The following PRSS36 variants were observed in gnomAD, a reference collection of about 807,000 sequenced individuals.
PRSS36 encodes the protein polyserase-2.
A neutral mutation model predicts 94.3 loss-of-function variants in PRSS36; 90 were observed. The ratio of observed to expected loss-of-function variants is 0.95; its 90% confidence interval spans 0.80 to 1.14. The LOEUF (loss-of-function observed/expected upper bound fraction) is 1.14, where lower values mean the gene tolerates loss of function less well. Ranked by LOEUF, PRSS36 falls within the 50% of genes most tolerant of loss-of-function variation. PRSS36 has a pLI of 0.00. For synonymous variants in PRSS36, 500 were observed against 489.6 expected, an observed-to-expected ratio of 1.02 and a Z score of -0.28; for missense variants, 1,158 against 1,135.0, an observed-to-expected ratio of 1.02 and a Z score of -0.29.
chr16:31,142,420 C>T (rs1489981028), intron 10 of PRSS36, 61 bp downstream of exon 10: 2 of 1,407,102 alleles, frequency 1.4e-6, no homozygotes, highest in East Asian at 5.3e-5. Flanking sequence ...TCCACAGGCC[C>T]CGCCCTCTTC....
rs1277406940 is a variant in PRSS36, at chr16:31,149,230, C to T, written c.115G>A (p.Gly39Arg). ...ATGCGGGCCGAGGGCTCAGGGCGCC[C>T]GCAGTCTGCAACGGGGAGCCGTGGA... ...TQEEPEDLDC[G>R]RPEPSARIVG... Residue 39 changes from glycine (G) to arginine (R), a missense_variant, in exon 4 of 15, where the codon GGG (glycine) becomes AGG (arginine). Transcript: ENST00000268281. 1.3e-6 allele frequency: 2 copies of T among 1,555,896 alleles called. No homozygotes were observed. The highest frequency in any genetic ancestry group is 2.4e-5 in the East Asian group (1 of 42,020).
In PRSS36 at chr16:31,140,604, C is replaced by A. The variant is rs371861435; in HGVS notation, c.2055G>T (p.Leu685=). ...GLRPPLALLE[L]SSRVEPSPSA... ...ATGGGGAGGGCTCCACCCGGGAGCTCAGCTCCAGGAGGGCCAGGGGGGGCC... is the reference window on the plus strand; with the variant it reads ...ATGGGGAGGGCTCCACCCGGGAGCTAAGCTCCAGGAGGGCCAGGGGGGGCC... The change falls in exon 13 of 15, where the codon CTG becomes CTT. Residue 685 remains leucine (L), a synonymous_variant. Coordinates refer to ENST00000268281, the MANE Select transcript of PRSS36 (RefSeq NM_173502.5). The A allele has an allele frequency of 6.2e-7, 1 of 1,610,098 alleles. No homozygotes were observed. The highest frequency in any genetic ancestry group is 1.1e-5 in the South Asian group (1 of 90,570).
rs1426082272 is a variant in PRSS36 at position 31,148,455 on chromosome 16, G to A, written c.493C>T (p.His165Tyr). The A allele has an allele frequency of 1.3e-6, 2 of 1,574,350 alleles. No homozygotes were observed. Among genetic ancestry groups the A allele is most frequent in the Non-Finnish European group, 8.6e-7 (1 of 1,167,170 alleles). ...CAGGCGGTGCCGTGCACGAAGCGGT[G>A]TGAGGCGCGGGGCAGGCAGACAGGC... ...VWPVCLPRAS[H>Y]RFVHGTACWA... is the part of the protein sequence containing the mutation. Residue 165 changes from histidine (H) to tyrosine (Y), a missense_variant, in exon 5 of 15, where the codon CAC (histidine) becomes TAC (tyrosine). Physicochemically the swap from His to Tyr is moderately conservative, Grantham distance 83 (BLOSUM62 2). Coordinates refer to ENST00000268281, the MANE Select transcript of PRSS36 (RefSeq NM_173502.5).
Position 31,142,586 on chromosome 16 carries a change from G to A in PRSS36, c.1416C>T (p.Cys472=), listed in dbSNP as rs1311805208. Residue 472 remains cysteine (C), a synonymous_variant, in exon 10 of 15, where the codon TGC becomes TGT. Coordinates refer to ENST00000268281, the MANE Select transcript of PRSS36 (RefSeq NM_173502.5). The stretch of plus-strand genomic sequence containing the variant: ...CCCCCTGGCGGCCGTACAGGCAGTG[G>A]CACCACCAGCCGCCTAACAGCTCCG... ...LEAELLGGWW[C]HCLYGRQGAA... The A allele has an allele frequency of 3.3e-6, 5 of 1,521,708 alleles. No individual in the cohort carries two copies. Among genetic ancestry groups the A allele is most frequent in the East Asian group, 2.5e-5 (1 of 39,868 alleles). The allele number at this position is 1,521,708 out of a possible 1,614,324, so 94.3% of individuals were successfully genotyped here.
intron 2 of PRSS36, 44 bp downstream of exon 2, chr16:31,149,652 T>C (rs1465236225): frequency 6.2e-7 from 1 of 1,613,816 alleles, no homozygotes; most frequent in South Asian, 1.1e-5. Context: ...CCTCTGGTCT[T>C]TTCTGCCTCT....
Position 31,141,858 on chromosome 16 carries a change from G to T in PRSS36, c.1624C>A (p.Pro542Thr). ...SGCLRPRAFF[P>T]LQTHGPWISH... ...ATCCATGGGCCATGAGTCTGCAGAG[G>T]GAAGAAGGCTCGGGGACGTAGACAG... Residue 542 changes from proline to threonine, a missense_variant, in exon 11 of 15, where the codon CCT becomes ACT. Physicochemically the swap from Pro to Thr is conservative, Grantham distance 38 (BLOSUM62 -1). Transcript: ENST00000268281. 1 of 1,614,160 alleles carries T rather than the reference G, an allele frequency of 6.2e-7. No homozygotes were observed. Among genetic ancestry groups the T allele is most frequent in the Non-Finnish European group, 8.5e-7 (1 of 1,180,038 alleles).
Position 31,145,356 on chromosome 16 carries a change from G to A in PRSS36, c.720+433C>T, listed in dbSNP as rs771574332. ...CTACTGCACTCCAGCCTGGGCGACT[G>A]AGCAAGACTCCGTCTCAAAAAAAAA... On this transcript the variant is annotated intron_variant, in intron 6 of 14. Coordinates refer to ENST00000268281, the MANE Select transcript of PRSS36 (RefSeq NM_173502.5). 1.0e-4 allele frequency among the ~76,000 whole-genome samples: 12 copies of A among 117,596 alleles called. 1 individual carries two copies. The highest frequency in any genetic ancestry group is 1.8e-4 in the Non-Finnish European group (11 of 61,186). 77.1% of individuals were successfully genotyped at this position (117,596 alleles called of 152,430 possible). A position where few individuals can be genotyped will look rare whatever the true frequency, so the allele number is the denominator to read the frequency against.
Position 31,142,742 on chromosome 16 carries a change from C to T in PRSS36, c.1352G>A (p.Arg451His). The part of the protein sequence containing the change: ...GSRCRLARWG[R>H]GEPALGPGAL... Reference sequence around the variant, plus strand: ...AGCGCCGGTCCCCAGCTCACCCCCGCGGCCCCAGCGGGCCAGGCGGCAGCG... The same window carrying T: ...AGCGCCGGTCCCCAGCTCACCCCCGTGGCCCCAGCGGGCCAGGCGGCAGCG... Residue 451 changes from arginine to histidine, a missense_variant, in exon 9 of 15, where the codon CGC becomes CAC. By Grantham distance (29) the Arg-to-His change is conservative (BLOSUM62 0). Coordinates refer to ENST00000268281, the MANE Select transcript of PRSS36 (RefSeq NM_173502.5). The T allele has an allele frequency of 7.3e-7, 1 of 1,370,512 alleles. No homozygotes were observed. The allele number at this position is 1,370,512 out of a possible 1,614,324, so 84.9% of individuals were successfully genotyped here. A position where few individuals can be genotyped will look rare whatever the true frequency, so the allele number is the denominator to read the frequency against.
chr16:31,145,808 C>A lies in PRSS36; in HGVS notation c.701G>T (p.Gly234Val). 1.2e-6 allele frequency: 2 copies of A among 1,613,598 alleles called. No individual in the cohort carries two copies. The highest frequency in any genetic ancestry group is 1.7e-6 in the Non-Finnish European group (2 of 1,179,874). The part of the protein sequence containing the change: ...PGMLCAGYPE[G>V]RRDTCQGDSG... Reference sequence around the variant, plus strand: ...CCTCACCTGGCAGGTGTCCCTGCGGCCCTCTGGGTAGCCAGCACACAGCAT... The same window carrying A: ...CCTCACCTGGCAGGTGTCCCTGCGGACCTCTGGGTAGCCAGCACACAGCAT... The change falls in exon 6 of 15, where the codon GGC becomes GTC. Residue 234 changes from glycine (G) to valine (V), a missense_variant. Coordinates refer to ENST00000268281, the MANE Select transcript of PRSS36 (RefSeq NM_173502.5).
At chr16:31,143,075 G>T in intron 8 of PRSS36, 82 bp from the exon 9 acceptor site, 1 of 1,384,454 alleles carries the variant, frequency 7.2e-7, no homozygotes, top group Non-Finnish European at 9.3e-7. Context: ...GACTTGCCAG[G>T]CGAGGATCCT....
chr16:31,147,425 G>A (rs2057813952), intron 5 of PRSS36, among the ~76,000 whole-genome samples: 2 of 152,078 alleles, frequency 1.3e-5, no homozygotes, highest in East Asian at 1.9e-4. Flanking sequence ...CACAAGCAGA[G>A]GCTGTAGCAT....
Position 31,145,796 on chromosome 16 carries a change from G to C in PRSS36, c.713C>G (p.Thr238Ser). ...CAGYPEGRRD[T>S]CQGDSGGPLV... ...GCCGGGGCCTTCCCTCACCTGGCAGGTGTCCCTGCGGCCCTCTGGGTAGCC... is the reference window on the plus strand; with the variant it reads ...GCCGGGGCCTTCCCTCACCTGGCAGCTGTCCCTGCGGCCCTCTGGGTAGCC... The change falls in exon 6 of 15, where the codon ACC becomes AGC. Residue 238 changes from threonine (T) to serine (S), a missense_variant. Coordinates refer to ENST00000268281, the MANE Select transcript of PRSS36 (RefSeq NM_173502.5). 2 of 1,612,824 alleles carry C rather than the reference G, an allele frequency of 1.2e-6. No homozygotes were observed. Among genetic ancestry groups the C allele is most frequent in the South Asian group, 2.2e-5 (2 of 91,016 alleles).
chr16:31,149,849 T>A, intron 1 of PRSS36, 118 bp from the exon 2 acceptor site: 1 of 1,539,962 alleles, frequency 6.5e-7, no homozygotes, highest in Non-Finnish European at 9.0e-7. Flanking sequence ...GGCCTCCCTC[T>A]CCCTCCTCTG....
chr16:31,142,672 G>C, intron 9 of PRSS36, 28 bp from the exon 10 acceptor site: 1 of 1,408,232 alleles, frequency 7.1e-7, no homozygotes, highest in Non-Finnish European at 9.3e-7. Flanking sequence ...GGGAGCCCGC[G>C]CTGCGGCCCA....
At chr16:31,143,214 G>T in intron 8 of PRSS36, 128 bp downstream of exon 8, 2 of 1,434,832 alleles carry the variant, frequency 1.4e-6, no homozygotes, top group Non-Finnish European at 9.4e-7. Flanking sequence ...TTTTTGTGCT[G>T]GATCCTACAC....
intron 10 of PRSS36, 55 bp downstream of exon 10, chr16:31,142,426 T>C (rs1219982488): frequency 7.2e-7 from 1 of 1,393,988 alleles, no homozygotes; most frequent in African/African-American, 1.5e-5. Context: ...GGCCCCGCCC[T>C]CTTCCTAGAG....
In PRSS36 at chr16:31,148,341, C is replaced by T. The variant is rs1567454180; in HGVS notation, c.553+54G>A. 6 of 1,471,022 alleles carry T rather than the reference C, an allele frequency of 4.1e-6. No individual in the cohort carries two copies. The African/African-American group carries it at 5.8e-5, about 14-fold the overall frequency. 91.1% of individuals were successfully genotyped at this position (1,471,022 alleles called of 1,614,324 possible). On this transcript the variant is annotated intron_variant, in intron 5 of 14. Transcript: ENST00000268281. ...CTGAGGCCCCGCCCTAGGAACCTCACCTCTCGAAGCCCCACCTCCCCGAGG... is the reference window on the plus strand; with the variant it reads ...CTGAGGCCCCGCCCTAGGAACCTCATCTCTCGAAGCCCCACCTCCCCGAGG...
chr16:31,141,446 CCTA>C lies in PRSS36; in HGVS notation c.1901+20_1901+22del. The C allele has an allele frequency of 6.3e-7, 1 of 1,586,690 alleles. No homozygotes were observed. Among genetic ancestry groups the C allele is most frequent in the Non-Finnish European group, 8.6e-7 (1 of 1,164,916 alleles). ...TTCCATTCTCCCCTCCCGTCTCTCG[CCTA>C]GGAGACGAGTGAGACCCACCTGAGG... On this transcript the variant is annotated intron_variant, in intron 12 of 14. Transcript: ENST00000268281.
intron 1 of PRSS36, 34 bp from the exon 2 acceptor site, chr16:31,149,765 C>T (rs553497011): frequency 1.2e-5 from 19 of 1,613,974 alleles, no homozygotes; most frequent in Admixed American, 6.7e-5. Context: ...AAGAGGCTGG[C>T]GACTCGCACT....
Sources: gnomAD v4.1 joint callset for allele counts (sites outside exome capture counted in the v4.1 genomes callset) on GRCh38, gnomAD v4.1.1 for gene constraint, MANE v1.5 for transcripts, NCBI Gene and HGNC (gene_info 2026-07-23, HGNC 2026-07-21) for gene names.